ARID4B: variants seen among roughly 807,000 people sequenced by gnomAD.
The protein encoded by ARID4B is AT-rich interactive domain-containing protein 4B.
A neutral mutation model predicts 147.5 loss-of-function variants in ARID4B; 26 were observed. The ratio of observed to expected loss-of-function variants is 0.18; its 90% CI spans 0.13 to 0.24. The LOEUF (loss-of-function observed/expected upper bound fraction) is 0.24, where lower values mean the gene tolerates loss of function less well. ARID4B is among the 10% of genes least tolerant of loss of function. The pLI, the probability that ARID4B is intolerant of heterozygous loss-of-function variation, is 1.00. For missense variants in ARID4B, 1,179 were observed against 1,511.5 expected (o/e 0.78, Z 3.65); for synonymous variants, 512 against 507.9 (o/e 1.01, Z -0.11).
At chr1:235,254,820 A>G (rs1173852841) in intron 5 of ARID4B, among the ~76,000 whole-genome samples, 1 of 152,078 alleles carries the variant, frequency 6.6e-6, no homozygotes, top group Non-Finnish European at 1.5e-5. Context: ...TTCAATAAAC[A>G]TATGAAAAGA....
At position 235,236,836 on chromosome 1, in the gene ARID4B, A is replaced by ATATATATATATATATATATGTG. The variant is rs1168685645; in HGVS notation, c.586-2345_586-2344insCACATATATATATATATATATA. 2.1e-3 allele frequency among the ~76,000 whole-genome samples: 53 copies of ATATATATATATATATATATGTG among 24,752 alleles called. 2 individuals carry two copies. Among genetic ancestry groups the ATATATATATATATATATATGTG allele is most frequent in the South Asian group, 0.014 (3 of 214 alleles). 16.2% of individuals were successfully genotyped at this position (24,752 alleles called of 152,430 possible). A position where few individuals can be genotyped will look rare whatever the true frequency, so the allele number is the denominator to read the frequency against. ...CCCACAAAACGGTTTTATAAAAAATATATATATATATATATATATATATAT... is the reference window on the plus strand; with the variant it reads ...CCCACAAAACGGTTTTATAAAAAATATATATATATATATATATATGTGTATATATATATATATATATATATAT... On this transcript the variant is annotated intron_variant, in intron 8 of 23. Transcript: ENST00000264183.
At chr1:235,228,285 CTTTTTTTTTTTTTTTTTTT>C (rs34559749) in intron 11 of ARID4B, 1 of 73,914 alleles carries the variant, frequency 1.4e-5, no homozygotes, top group East Asian at 4.6e-4. Flanking sequence ...TAGGTAGGTT[CTTTTTTTTTTTTTTTTTTT>C]TTTTTTAATA....
At chr1:235,178,398 T>G (rs2102913318) in intron 20 of ARID4B, among the ~76,000 whole-genome samples, 1 of 152,302 alleles carries the variant, frequency 6.6e-6, no homozygotes, top group African/African-American at 2.4e-5. Context: ...GGTTCTTTTT[T>G]ACCAATTTAT....
chr1:235,236,198 G>C (rs553354556), intron 8 of ARID4B, among the ~76,000 whole-genome samples: 81 of 152,104 alleles, frequency 5.3e-4, no homozygotes, highest in Middle Eastern at 3.4e-3. Context: ...ATCAAGATTG[G>C]TCGATTTAGA....
chr1:235,316,343 A>T (rs1458475178), intron 2 of ARID4B, among the ~76,000 whole-genome samples: 1 of 151,722 alleles, frequency 6.6e-6, no homozygotes, highest in Non-Finnish European at 1.5e-5. Flanking sequence ...CCTCGTCTCC[A>T]CTAAAAATAC....
intron 18 of ARID4B, 141 bp downstream of exon 18, chr1:235,195,890 C>A: frequency 1.7e-6 from 1 of 599,280 alleles, no homozygotes; most frequent in South Asian, 2.0e-5. Context: ...CCTAACCTGA[C>A]AAAATTAATT....
chr1:235,180,800 A>G (rs1198054498), intron 20 of ARID4B: 2 of 152,470 alleles, frequency 1.3e-5, no homozygotes, highest in Non-Finnish European at 2.9e-5. Flanking sequence ...TTACGATGGA[A>G]AAGTGTGTTC....
intron 2 of ARID4B, among the ~76,000 whole-genome samples, chr1:235,279,073 A>G (rs995286355): frequency 2.0e-5 from 3 of 152,068 alleles, no homozygotes; most frequent in African/African-American, 7.2e-5. Flanking sequence ...ATACAGCGCC[A>G]AGCCAACACC....
intron 22 of ARID4B, 114 bp downstream of exon 22, chr1:235,175,070 G>T: frequency 1.1e-6 from 1 of 907,004 alleles, no homozygotes; most frequent in Non-Finnish European, 1.7e-6. Flanking sequence ...TCGCACCACC[G>T]CACTCCAGCC....
intron 2 of ARID4B, among the ~76,000 whole-genome samples, chr1:235,274,727 G>A (rs1233531018): frequency 2.6e-5 from 4 of 152,084 alleles, no homozygotes; most frequent in African/African-American, 2.4e-5. Context: ...GAAGAATAAG[G>A]CCATAATTTG....
chr1:235,182,827 G>A (rs943305031), intron 19 of ARID4B, 34 bp from the exon 20 acceptor site: 1 of 1,545,066 alleles, frequency 6.5e-7, no homozygotes, highest in Non-Finnish European at 8.7e-7. Flanking sequence ...TGATGAGTAT[G>A]ATAAGAACAC....
rs1667920495 is a variant in ARID4B at position 235,227,795 on chromosome 1, T to C, written c.897+1436A>G. 2.6e-5 allele frequency among the ~76,000 whole-genome samples: 4 copies of C among 151,990 alleles called. No homozygotes were observed. The South Asian group carries it at 8.3e-4, about 32-fold the overall frequency. On this transcript the variant is annotated intron_variant, in intron 11 of 23. Coordinates refer to ENST00000264183, the MANE Select transcript of ARID4B (RefSeq NM_016374.6). ...TTAGATAAAATGATTCAAGATTCTC[T>C]GAATCAAAGAGATATTGATCTTTAC...
At chr1:235,282,837 G>A (rs1044605831) in intron 2 of ARID4B, among the ~76,000 whole-genome samples, 23 of 152,272 alleles carry the variant, frequency 1.5e-4, no homozygotes, top group African/African-American at 5.3e-4. Context: ...CTGGAGTGCA[G>A]TGGCACGATC....
chr1:235,301,945 G>A (rs535743019), intron 2 of ARID4B, among the ~76,000 whole-genome samples: 13 of 151,074 alleles, frequency 8.6e-5, no homozygotes, highest in East Asian at 1.9e-4. Flanking sequence ...CGCCCACCTC[G>A]GCCTCCCAAA....
Position 235,290,034 on chromosome 1 carries a change from T to TA in ARID4B, c.7-29283dup, listed in dbSNP as rs35157276. On this transcript the variant is annotated intron_variant, in intron 2 of 23. Transcript: ENST00000264183. ...GGACGATATAGTGAGACTCTATCTC[T>TA]AAAAAAAAAAAACCCACACCATTTT... 1.6e-3 allele frequency among the ~76,000 whole-genome samples: 230 copies of TA among 143,276 alleles called. 1 individual carries two copies. Among genetic ancestry groups the TA allele is most frequent in the Non-Finnish European group, 1.9e-3 (123 of 65,630 alleles). 94.0% of individuals were successfully genotyped at this position (143,276 alleles called of 152,430 possible).
At chr1:235,245,880 A>G (rs1408515381) in intron 7 of ARID4B, among the ~76,000 whole-genome samples, 2 of 152,194 alleles carry the variant, frequency 1.3e-5, no homozygotes. Context: ...AACCATCCCA[A>G]GATCACACAG....
chr1:235,195,906 C>T, intron 18 of ARID4B, 125 bp downstream of exon 18: 2 of 633,416 alleles, frequency 3.2e-6, no homozygotes, highest in East Asian at 3.0e-5. Context: ...TAATTATATA[C>T]AAATCTAGCA....
intron 2 of ARID4B, among the ~76,000 whole-genome samples, chr1:235,312,240 C>T (rs550410463): frequency 1.3e-5 from 2 of 152,190 alleles, no homozygotes; most frequent in East Asian, 3.9e-4. Flanking sequence ...TAGCCAAGAT[C>T]GTGCCACCAC....
intron 19 of ARID4B, among the ~76,000 whole-genome samples, chr1:235,192,591 C>T (rs1665188592): frequency 6.6e-6 from 1 of 152,000 alleles, no homozygotes; most frequent in African/African-American, 2.4e-5. Flanking sequence ...CAATAAGAAA[C>T]AAAAACTAGC....
Sources: gnomAD v4.1 joint callset for allele counts (sites outside exome capture counted in the v4.1 genomes callset) on GRCh38, gnomAD v4.1.1 for gene constraint, MANE v1.5 for transcripts, NCBI Gene and HGNC (gene_info 2026-07-23, HGNC 2026-07-21) for gene names.